The following SAMD4B variants were observed in gnomAD, a reference collection of about 807,000 sequenced individuals.
The protein encoded by SAMD4B is protein Smaug homolog 2.
SAMD4B carries 5 observed loss-of-function variants against 74.5 expected under a neutral mutation model. The ratio of observed to expected loss-of-function variants is 0.07; its 90% confidence interval spans 0.04 to 0.14. The LOEUF is 0.14. Among genes scored for constraint, SAMD4B ranks in the 10% least tolerant of loss-of-function variants. SAMD4B has a pLI of 1.00. For missense variants in SAMD4B, 608 were observed against 921.8 expected (o/e 0.66, Z 4.41); for synonymous variants, 373 against 374.9 (o/e 1.00, Z 0.06).
intron 12 of SAMD4B, among the ~76,000 whole-genome samples, chr19:39,382,195 CCAT>C (rs1427848093): frequency 1.3e-5 from 2 of 152,190 alleles, no homozygotes; most frequent in Non-Finnish European, 2.9e-5. Flanking sequence ...GGGAACCCAT[CCAT>C]CATGTTCATC....
chr19:39,375,998 C>G lies in SAMD4B; in HGVS notation c.907+109C>G. The G allele has an allele frequency of 7.2e-7, 1 of 1,395,508 alleles. No homozygotes were observed. The highest frequency in any genetic ancestry group is 9.7e-7 in the Non-Finnish European group (1 of 1,030,190). 86.4% of individuals were successfully genotyped at this position (1,395,508 alleles called of 1,614,324 possible). A position where few individuals can be genotyped will look rare whatever the true frequency, so the allele number is the denominator to read the frequency against. ...CCTGCTTACCCCTCTGAGGAGGGGA[C>G]ATGTCTGAGGGGAGTAGATAGTCCC... On this transcript the variant is annotated intron_variant, in intron 5 of 13. Coordinates refer to ENST00000610417, the MANE Select transcript of SAMD4B (RefSeq NM_001384574.2). The surrounding 1 kb of genome is among the most constrained non-coding windows in gnomAD (Gnocchi z 4.1).
intron 3 of SAMD4B, among the ~76,000 whole-genome samples, chr19:39,364,713 G>A (rs1196642411): frequency 1.3e-5 from 2 of 152,120 alleles, no homozygotes; most frequent in African/African-American, 4.8e-5. Context: ...GAGTTGGGAG[G>A]GCAGGAAAGA....
chr19:39,375,496 G>T lies in SAMD4B; in HGVS notation c.668-154G>T, dbSNP rs2077547030. The stretch of plus-strand genomic sequence containing the variant: ...TGGGTGTTGGAGGTAAGAGAATGAG[G>T]TATATCTGGTAGGCAGTTACCCTTG... On this transcript the variant is annotated intron_variant, in intron 4 of 13. Transcript: ENST00000610417. The surrounding 1 kb of genome is among the most constrained non-coding windows in gnomAD (Gnocchi z 4.1). Among the ~76,000 whole-genome samples, 1 of 152,186 alleles carries T rather than the reference G, an allele frequency of 6.6e-6. No individual in the cohort carries two copies. Among genetic ancestry groups the T allele is most frequent in the African/African-American group, 2.4e-5 (1 of 41,438 alleles).
chr19:39,381,652 T>C (rs949128606), intron 12 of SAMD4B, among the ~76,000 whole-genome samples: 4 of 152,146 alleles, frequency 2.6e-5, no homozygotes, highest in African/African-American at 9.7e-5. Context: ...AGAGCAGAAG[T>C]TGGGCCAAGT....
At chr19:39,357,181 T>TA in intron 3 of SAMD4B, 92 bp downstream of exon 3, 2 of 1,184,220 alleles carry the variant, frequency 1.7e-6, no homozygotes, top group Non-Finnish European at 2.3e-6. Flanking sequence ...ACAATGGGAC[T>TA]AAAAAACGTG....
intron 4 of SAMD4B, 99 bp downstream of exon 4, chr19:39,370,224 A>C (rs757033651): frequency 6.5e-6 from 8 of 1,224,038 alleles, no homozygotes; most frequent in Non-Finnish European, 7.0e-6. Context: ...GACAAGTCAC[A>C]TAAGCTGTAG....
chr19:39,378,634 C>A lies in SAMD4B; in HGVS notation c.1530+45C>A, dbSNP rs565421033. ...ACTCAAAAAGGGAAAGGCGGCCAGG[C>A]GTGGTGGTTCACGCCTGTAGTCCCA... On this transcript the variant is annotated intron_variant, in intron 9 of 13. Transcript: ENST00000610417. The surrounding 1 kb of genome is among the most constrained non-coding windows in gnomAD (Gnocchi z 4.4). 3.3e-5 allele frequency: 52 copies of A among 1,567,672 alleles called. No individual in the cohort carries two copies. The highest frequency in any genetic ancestry group is 4.2e-5 in the Non-Finnish European group (48 of 1,139,848).
At chr19:39,353,633 G>T (rs545844696) in intron 1 of SAMD4B, among the ~76,000 whole-genome samples, 3 of 151,884 alleles carry the variant, frequency 2.0e-5, no homozygotes, top group African/African-American at 7.3e-5. Context: ...ATGGAATCCC[G>T]CTCTGTCACC....
At position 39,370,000 on chromosome 19, in the gene SAMD4B, T is replaced by C. The variant is rs2077190423; in HGVS notation, c.542T>C (p.Leu181Pro). The change falls in exon 4 of 14, where the codon CTA becomes CCA. Residue 181 changes from leucine to proline, a missense_variant. Physicochemically the swap from Leu to Pro is moderately conservative, Grantham distance 98. This residue lies in a region of SAMD4B where 153 missense variants were observed against 153.0 expected (regional missense o/e 1.00). Transcript: ENST00000610417. ...GATGAGTGGGGGGGCCCTGCAGAGCTAGGCCCTGGGGAGGCAGGGCCAGGC... is the reference window on the plus strand; with the variant it reads ...GATGAGTGGGGGGGCCCTGCAGAGCCAGGCCCTGGGGAGGCAGGGCCAGGC... ...GSDEWGGPAE[L>P]GPGEAGPGWQ... 1.9e-6 allele frequency: 3 copies of C among 1,613,060 alleles called. No homozygotes were observed. Among genetic ancestry groups the C allele is most frequent in the Non-Finnish European group, 2.5e-6 (3 of 1,179,664 alleles).
At chr19:39,350,229 C>G (rs1005558744) in intron 1 of SAMD4B, 2 of 152,134 alleles carry the variant, frequency 1.3e-5, no homozygotes, top group African/African-American at 4.8e-5. Flanking sequence ...TTTTTAAATA[C>G]ATTGTTTCAT....
In SAMD4B at chr19:39,361,923, T is replaced by C. The variant is rs144660181; in HGVS notation, c.196+4834T>C. The stretch of plus-strand genomic sequence containing the variant: ...GCCTGGGCGACAGAGCCAGACTCCG[T>C]CTCAAAGAAAAAAAAAAGTTGCCTG... On this transcript the variant is annotated intron_variant, in intron 3 of 13. Transcript: ENST00000610417. Among the ~76,000 whole-genome samples the C allele has an allele frequency of 6.6e-5, 10 of 152,042 alleles. No homozygotes were observed. In the East Asian group the frequency reaches 1.7e-3, roughly 26 times the overall value.
At chr19:39,388,915 T>C (rs1249053733), downstream of SAMD4B, 1 of 1,611,386 alleles carries the variant, frequency 6.2e-7, no homozygotes, top group East Asian at 2.2e-5. Flanking sequence ...ACAAATAGGC[T>C]GTCCCTTTCT....
chr19:39,390,584 G>A (rs572344872), downstream of SAMD4B, among the ~76,000 whole-genome samples: 3 of 152,302 alleles, frequency 2.0e-5, no homozygotes, highest in African/African-American at 7.2e-5. Flanking sequence ...CGGAAGAGGG[G>A]TCTCCAAACG....
downstream of SAMD4B, chr19:39,385,920 AACAG>A (rs1263103548): frequency 9.4e-6 from 15 of 1,587,708 alleles, no homozygotes; most frequent in Non-Finnish European, 1.0e-5. Context: ...AAGGCTCACA[AACAG>A]ACCACTAGAA....
In SAMD4B at chr19:39,383,325, AC is replaced by A; in HGVS notation, c.2056+36del. ...TTCCTCTTTCCCTGACCCAGCTCCC[AC>A]CTACCCAGCGTCTCTGCCTCTGAAC... On this transcript the variant is annotated intron_variant, in intron 13 of 13. Coordinates refer to ENST00000610417, the MANE Select transcript of SAMD4B (RefSeq NM_001384574.2). This position sits in a 1 kb window ranked among gnomAD's most constrained non-coding sequence, Gnocchi z 4.1. 6.2e-7 allele frequency: 1 copy of A among 1,607,804 alleles called. No individual in the cohort carries two copies.
At chr19:39,365,884 G>A (rs1338601456) in intron 3 of SAMD4B, among the ~76,000 whole-genome samples, 1 of 152,180 alleles carries the variant, frequency 6.6e-6, no homozygotes, top group Non-Finnish European at 1.5e-5. Flanking sequence ...ATGAGTTGAT[G>A]ACTTTGAATG....
chr19:39,375,523 A>T lies in SAMD4B; in HGVS notation c.668-127A>T. 8.2e-7 allele frequency: 1 copy of T among 1,223,440 alleles called. No homozygotes were observed. The highest frequency in any genetic ancestry group is 1.2e-6 in the Non-Finnish European group (1 of 869,434). The allele number at this position is 1,223,440 out of a possible 1,614,324, so 75.8% of individuals were successfully genotyped here. On this transcript the variant is annotated intron_variant, in intron 4 of 13. Coordinates refer to ENST00000610417, the MANE Select transcript of SAMD4B (RefSeq NM_001384574.2). This position sits in a 1 kb window ranked among gnomAD's most constrained non-coding sequence, Gnocchi z 4.1. ...ATATCTGGTAGGCAGTTACCCTTGGACCCCAGGTCCCTTCCTCTTGGCAGG... is the reference window on the plus strand; with the variant it reads ...ATATCTGGTAGGCAGTTACCCTTGGTCCCCAGGTCCCTTCCTCTTGGCAGG...
downstream of SAMD4B, chr19:39,389,247 T>C (rs1219326145): frequency 1.2e-6 from 2 of 1,609,056 alleles, no homozygotes; most frequent in Non-Finnish European, 1.7e-6. The surrounding 1 kb of genome is among the most constrained non-coding windows in gnomAD (Gnocchi z 5.3). Flanking sequence ...ACACCTAATA[T>C]CTCCACCTTC....
intron 4 of SAMD4B, among the ~76,000 whole-genome samples, chr19:39,370,376 A>G (rs2077217256): frequency 6.6e-6 from 1 of 152,246 alleles, no homozygotes; most frequent in African/African-American, 2.4e-5. Flanking sequence ...TGTGAGTGGT[A>G]CAAAGAATCA....
Sources: allele counts gnomAD v4.1 joint callset (sites outside exome capture counted in the v4.1 genomes callset), GRCh38; gene constraint gnomAD v4.1.1; regional missense constraint gnomAD v4.1.1; non-coding constraint Gnocchi (gnomAD v3.1); transcripts MANE v1.5; gene names NCBI Gene and HGNC (gene_info 2026-07-23, HGNC 2026-07-21).